The following RBFOX1 variants were observed in gnomAD, a reference collection of about 807,000 sequenced individuals.
The protein encoded by RBFOX1 is RNA binding fox-1 homolog 1.
A neutral mutation model predicts 57.7 loss-of-function variants in RBFOX1; 8 were observed. The ratio of observed to expected loss-of-function variants is 0.14; its 90% CI spans 0.08 to 0.25. RBFOX1 has a LOEUF of 0.25. Among genes scored for constraint, RBFOX1 ranks in the 10% least tolerant of loss-of-function variants. The probability of loss-of-function intolerance (pLI) is 1.00; values close to 1 mark genes in which losing one functional copy is unlikely to be tolerated. For missense variants in RBFOX1, 611 were observed against 548.5 expected, an observed-to-expected ratio of 1.11 and a Z score of -1.14; for synonymous variants, 326 against 222.4, an observed-to-expected ratio of 1.47 and a Z score of -4.15.
intron 3 of RBFOX1, among the ~76,000 whole-genome samples, chr16:6,938,650 C>G (rs2077783166): frequency 6.6e-6 from 1 of 152,006 alleles, no homozygotes; most frequent in South Asian, 2.1e-4. Flanking sequence ...GGTTAAAGGG[C>G]AGAAAATTGT....
chr16:6,404,282 G>T (rs2093192427), intron 2 of RBFOX1, among the ~76,000 whole-genome samples: 1 of 152,142 alleles, frequency 6.6e-6, no homozygotes, highest in South Asian at 2.1e-4. Flanking sequence ...TATATGGGAG[G>T]ATGTCTGAAA....
intron 3 of RBFOX1, among the ~76,000 whole-genome samples, chr16:6,885,312 C>T (rs567740523): frequency 6.6e-6 from 1 of 152,182 alleles, no homozygotes. Flanking sequence ...TGCAGGCAAA[C>T]TGAGTCAGAA....
At chr16:7,130,662 T>A (rs537708245) in intron 4 of RBFOX1, among the ~76,000 whole-genome samples, 10 of 152,212 alleles carry the variant, frequency 6.6e-5, no homozygotes, top group Non-Finnish European at 1.2e-4. Flanking sequence ...AGTGCCTTTT[T>A]ACTTGATAAA....
intron 3 of RBFOX1, among the ~76,000 whole-genome samples, chr16:6,863,287 G>A (rs892151047): frequency 6.6e-6 from 1 of 152,128 alleles, no homozygotes; most frequent in African/African-American, 2.4e-5. Context: ...TGCAGACTGG[G>A]AAAAGTGATT....
Position 7,148,124 on chromosome 16 carries a change from C to T in RBFOX1, c.27+96026C>T, listed in dbSNP as rs1290151055. 2.0e-5 allele frequency among the ~76,000 whole-genome samples: 3 copies of T among 152,140 alleles called. No homozygotes were observed. In the South Asian group the frequency reaches 6.2e-4, roughly 32 times the overall value. ...TCTCTAGGAAGTGACGCACAATTGA[C>T]TTAGGAAAACAAAGCAAAAAATGCT... On this transcript the variant is annotated intron_variant, in intron 4 of 15. Transcript: ENST00000550418.
chr16:6,689,302 G>A (rs1260048657), intron 3 of RBFOX1, among the ~76,000 whole-genome samples: 1 of 152,138 alleles, frequency 6.6e-6, no homozygotes, highest in East Asian at 1.9e-4. Flanking sequence ...TTCACATGAA[G>A]TGATAGAATA....
chr16:7,157,178 C>T (rs963526788), intron 4 of RBFOX1, among the ~76,000 whole-genome samples: 3 of 152,218 alleles, frequency 2.0e-5, no homozygotes, highest in Non-Finnish European at 2.9e-5. Context: ...AGCATCGTTT[C>T]AGCCTTAGAA....
At chr16:5,800,183 A>AG (rs1244270413) in intron 3 of RBFOX1, among the ~76,000 whole-genome samples, 1 of 152,164 alleles carries the variant, frequency 6.6e-6, no homozygotes, top group Non-Finnish European at 1.5e-5. Flanking sequence ...AAATATGCTA[A>AG]GGGTAAGGGA....
intron 1 of RBFOX1, among the ~76,000 whole-genome samples, chr16:6,144,677 C>T (rs544325800): frequency 6.6e-6 from 1 of 152,350 alleles, no homozygotes; most frequent in East Asian, 1.9e-4. Flanking sequence ...AAGCACGATG[C>T]TGTCAGCTTT....
intron 2 of RBFOX1, among the ~76,000 whole-genome samples, chr16:5,478,017 C>G (rs567125109): frequency 6.6e-6 from 1 of 151,896 alleles, no homozygotes; most frequent in African/African-American, 2.4e-5. Flanking sequence ...TTTGTTTTGG[C>G]AGCTCAGTAG....
intron 4 of RBFOX1, among the ~76,000 whole-genome samples, chr16:5,880,343 A>T (rs1466549587): frequency 6.6e-6 from 1 of 152,170 alleles, no homozygotes; most frequent in East Asian, 1.9e-4. Flanking sequence ...CTTTGGTAGC[A>T]TTGTAGTAGA....
At chr16:6,159,472 C>A (rs1453919895) in intron 1 of RBFOX1, among the ~76,000 whole-genome samples, 1 of 152,136 alleles carries the variant, frequency 6.6e-6, no homozygotes, top group Non-Finnish European at 1.5e-5. Context: ...TCTTTGAGGA[C>A]ATTTGTGTTC....
intron 2 of RBFOX1, among the ~76,000 whole-genome samples, chr16:6,604,697 C>A (rs1165449152): frequency 6.6e-6 from 1 of 152,166 alleles, no homozygotes; most frequent in African/African-American, 2.4e-5. Flanking sequence ...AGCATATACA[C>A]ATGCACACAC....
chr16:7,510,511 G>GTGTGTGTGTGT (rs1567589181), intron 4 of RBFOX1, among the ~76,000 whole-genome samples: 1 of 149,902 alleles, frequency 6.7e-6, no homozygotes, highest in African/African-American at 2.5e-5. Flanking sequence ...GTGTGTGTGT[G>GTGTGTGTGTGT]GGCGCGCGCG....
rs58752907 is a variant in RBFOX1, at chr16:6,890,871, A to G, written c.-15-161186A>G. On this transcript the variant is annotated intron_variant, in intron 3 of 15. Transcript: ENST00000550418. The stretch of plus-strand genomic sequence containing the variant: ...TAGCAGACTCAGTAGAACTCTAAAT[A>G]AAAGGGATGAAGTCAGGGGTATGAA... 2.5e-3 allele frequency among the ~76,000 whole-genome samples: 378 copies of G among 152,306 alleles called. 4 individuals carry two copies. Among genetic ancestry groups the G allele is most frequent in the African/African-American group, 8.6e-3 (356 of 41,576 alleles).
intron 1 of RBFOX1, among the ~76,000 whole-genome samples, chr16:6,259,675 G>A (rs2097689799): frequency 6.6e-6 from 1 of 152,064 alleles, no homozygotes; most frequent in Admixed American, 6.6e-5. Context: ...AAAAACACTG[G>A]GGCCGGGTGC....
At chr16:5,590,558 C>T (rs11642147) in intron 2 of RBFOX1, among the ~76,000 whole-genome samples, 30,019 of 152,090 alleles carry the variant, frequency 0.2, 3,325 homozygotes, top group East Asian at 0.32. Context: ...GGCTGCCGTA[C>T]TGTGATTCGG....
intron 4 of RBFOX1, among the ~76,000 whole-genome samples, chr16:5,974,492 C>T (rs958912944): frequency 6.6e-6 from 1 of 151,950 alleles, no homozygotes; most frequent in South Asian, 2.1e-4. Context: ...CACCTGTAAT[C>T]CCAGCTACTC....
intron 4 of RBFOX1, among the ~76,000 whole-genome samples, chr16:7,501,234 C>G (rs1015944119): frequency 5.9e-5 from 9 of 152,206 alleles, no homozygotes; most frequent in African/African-American, 1.9e-4. Flanking sequence ...GTTTCCTCTG[C>G]TTATTTCTTC....
Sources: allele counts gnomAD v4.1 joint callset (sites outside exome capture counted in the v4.1 genomes callset), GRCh38; gene constraint gnomAD v4.1.1; transcripts MANE v1.5; gene names NCBI Gene and HGNC (gene_info 2026-07-23, HGNC 2026-07-21).